FANCC: variants seen among roughly 807,000 people sequenced by gnomAD.
The protein encoded by FANCC is FA complementation group C.
In FANCC, 55 loss-of-function variants were observed where a neutral mutation model predicts 71.3. That is an observed-to-expected ratio of 0.77 (90% CI 0.62 to 0.97). The LOEUF is 0.97. Among genes scored for constraint, FANCC ranks in the 50% least tolerant of loss-of-function variants. The pLI, the probability that FANCC is intolerant of heterozygous loss-of-function variation, is 0.00. For synonymous variants in FANCC, 275 were observed against 244.9 expected (o/e 1.12, Z -1.15); for missense variants, 678 against 670.9 (o/e 1.01, Z -0.12).
At chr9:95,228,152 A>G (rs1829743556) in intron 4 of FANCC, among the ~76,000 whole-genome samples, 1 of 152,166 alleles carries the variant, frequency 6.6e-6, no homozygotes, top group East Asian at 1.9e-4. Context: ...GGCACTCAGG[A>G]TACAATTGTG....
At chr9:95,169,309 T>C (rs1203546262) in intron 6 of FANCC, among the ~76,000 whole-genome samples, 1 of 152,220 alleles carries the variant, frequency 6.6e-6, no homozygotes, top group African/African-American at 2.4e-5. Context: ...TTAGTTACGA[T>C]GGAAAAGACA....
In FANCC at chr9:95,117,385, C is replaced by T. The variant is rs772717264; in HGVS notation, c.1002G>A (p.Arg334=). 5 of 1,613,300 alleles carry T rather than the reference C, an allele frequency of 3.1e-6. No homozygotes were observed. The East Asian group carries it at 8.9e-5, about 29-fold the overall frequency. ...EALEKASKQL[R]FALKTYFPYT... is the part of the protein sequence containing the mutation. The stretch of plus-strand genomic sequence containing the variant: ...AAGGAAAGTAGGTCTTGAGTGCAAA[C>T]CGCAGCTGCCACAGGATGGAAAATC... Residue 334 remains arginine (R), a synonymous_variant, in exon 11 of 15, where the codon CGG becomes CGA. Transcript: ENST00000289081.
At chr9:95,221,225 A>C (rs991454420) in intron 4 of FANCC, among the ~76,000 whole-genome samples, 1 of 152,108 alleles carries the variant, frequency 6.6e-6, no homozygotes, top group African/African-American at 2.4e-5. Context: ...AAAAACAAAA[A>C]CAAAAAGCCA....
chr9:95,186,957 A>G (rs1224088542), intron 4 of FANCC, among the ~76,000 whole-genome samples: 2 of 151,954 alleles, frequency 1.3e-5, no homozygotes, highest in Non-Finnish European at 2.9e-5. Context: ...ACGCCTGGCT[A>G]ATTTTTGTAC....
At chr9:95,216,169 GAA>G (rs576306466) in intron 4 of FANCC, among the ~76,000 whole-genome samples, 22 of 152,208 alleles carry the variant, frequency 1.4e-4, no homozygotes, top group African/African-American at 4.8e-4. Flanking sequence ...GTAATCAAAA[GAA>G]AACTGTTATT....
chr9:95,120,345 T>A (rs2072772568), intron 10 of FANCC, among the ~76,000 whole-genome samples: 1 of 152,186 alleles, frequency 6.6e-6, no homozygotes, highest in Admixed American at 6.5e-5. Flanking sequence ...ATATCTGGAC[T>A]CAATTCTGAT....
At chr9:95,187,216 G>A (rs1446206587) in intron 4 of FANCC, among the ~76,000 whole-genome samples, 4 of 152,194 alleles carry the variant, frequency 2.6e-5, no homozygotes, top group Non-Finnish European at 4.4e-5. Flanking sequence ...CTCCCAGCAC[G>A]TCTCCCATCT....
Position 95,101,099 on chromosome 9 carries a change from A to C in FANCC, c.*608T>G. 1 of 237,822 alleles carries C rather than the reference A, an allele frequency of 4.2e-6. No homozygotes were observed. Among genetic ancestry groups the C allele is most frequent in the Non-Finnish European group, 8.3e-6 (1 of 120,748 alleles). The allele number at this position is 237,822 out of a possible 1,614,324, so 14.7% of individuals were successfully genotyped here. A position where few individuals can be genotyped will look rare whatever the true frequency, so the allele number is the denominator to read the frequency against. Reference sequence around the variant, plus strand: ...TGGTAGCAGTTAGCATCATTTAGCAAATACAGAGTGGAAAGAGTGTGCCGG... The same window carrying C: ...TGGTAGCAGTTAGCATCATTTAGCACATACAGAGTGGAAAGAGTGTGCCGG... On this transcript the variant is annotated 3_prime_UTR_variant, in exon 15 of 15. Coordinates refer to ENST00000289081, the MANE Select transcript of FANCC (RefSeq NM_000136.3).
chr9:95,281,977 GAAGA>G (rs891067334), intron 1 of FANCC, among the ~76,000 whole-genome samples: 41 of 150,682 alleles, frequency 2.7e-4, no homozygotes, highest in East Asian at 1.6e-3. Context: ...AACCTCAAAG[GAAGA>G]AAGAAAGAAA....
intron 6 of FANCC, among the ~76,000 whole-genome samples, chr9:95,156,568 A>G (rs1830470205): frequency 6.6e-6 from 1 of 152,166 alleles, no homozygotes; most frequent in Admixed American, 6.5e-5. Context: ...ATTGAATTTA[A>G]AAAGCAATTT....
intron 6 of FANCC, 94 bp from the exon 7 acceptor site, chr9:95,150,181 A>G (rs1830095032): frequency 7.5e-7 from 1 of 1,332,812 alleles, no homozygotes; most frequent in East Asian, 2.4e-5. Context: ...TCAAAGACAG[A>G]TCACCTGTTT....
At chr9:95,271,227 G>A (rs1019206920) in intron 1 of FANCC, among the ~76,000 whole-genome samples, 22 of 152,098 alleles carry the variant, frequency 1.4e-4, no homozygotes, top group Admixed American at 5.9e-4. Context: ...CCCAAATGTC[G>A]GCACCTCATT....
intron 1 of FANCC, among the ~76,000 whole-genome samples, chr9:95,249,794 T>G (rs1831217623): frequency 6.6e-6 from 1 of 152,234 alleles, no homozygotes; most frequent in Non-Finnish European, 1.5e-5. Flanking sequence ...TTATGTTTTA[T>G]ATGAATTTCT....
chr9:95,218,299 C>G (rs1829004495), intron 4 of FANCC, among the ~76,000 whole-genome samples: 1 of 152,022 alleles, frequency 6.6e-6, no homozygotes, highest in Non-Finnish European at 1.5e-5. Flanking sequence ...ACCTCGTTGC[C>G]ATAAAAAATT....
chr9:95,224,892 G>A (rs1308248910), intron 4 of FANCC, among the ~76,000 whole-genome samples: 1 of 152,074 alleles, frequency 6.6e-6, no homozygotes, highest in East Asian at 1.9e-4. Context: ...CACTCTTTAT[G>A]TCTACCATAG....
At chr9:95,215,180 G>A (rs551684018) in intron 4 of FANCC, among the ~76,000 whole-genome samples, 1 of 152,164 alleles carries the variant, frequency 6.6e-6, no homozygotes, top group South Asian at 2.1e-4. Flanking sequence ...ACAGATCACT[G>A]CTTCTGCAGT....
At chr9:95,199,592 A>G (rs371747462) in intron 4 of FANCC, among the ~76,000 whole-genome samples, 3 of 152,260 alleles carry the variant, frequency 2.0e-5, no homozygotes, top group South Asian at 2.1e-4. Flanking sequence ...GAACCATCTG[A>G]GCACCACTGT....
Position 95,292,625 on chromosome 9 carries a change from C to A in FANCC, c.-79+24901G>T. On this transcript the variant is annotated intron_variant, in intron 1 of 14. Transcript: ENST00000289081. ...GCGGCTGCCGCAAGATCCTGCCCAACAGCCCCGCGCTCAACATGCACCTGG... is the reference window on the plus strand; with the variant it reads ...GCGGCTGCCGCAAGATCCTGCCCAAAAGCCCCGCGCTCAACATGCACCTGG... 2.1e-6 allele frequency: 3 copies of A among 1,423,710 alleles called. No individual in the cohort carries two copies. The East Asian group carries it at 6.8e-5, about 32-fold the overall frequency. The allele number at this position is 1,423,710 out of a possible 1,614,324, so 88.2% of individuals were successfully genotyped here.
chr9:95,120,359 T>C (rs1458249369), intron 10 of FANCC, among the ~76,000 whole-genome samples: 1 of 152,160 alleles, frequency 6.6e-6, no homozygotes, highest in Non-Finnish European at 1.5e-5. Flanking sequence ...TTCTGATCTA[T>C]CTATGGCTGT....
Sources: allele counts gnomAD v4.1 joint callset (sites outside exome capture counted in the v4.1 genomes callset), GRCh38; gene constraint gnomAD v4.1.1; transcripts MANE v1.5; gene names NCBI Gene and HGNC (gene_info 2026-07-23, HGNC 2026-07-21).